HMCES: variants seen among roughly 807,000 people sequenced by gnomAD.
The protein encoded by HMCES is 5-hydroxymethylcytosine binding, ES cell specific.
In HMCES, 27 loss-of-function variants were observed where a neutral mutation model predicts 35.1. The observed-to-expected ratio is 0.77, with a 90% CI of 0.57 to 1.06. The LOEUF is 1.06. Ranked by LOEUF, HMCES falls within the 50% of genes least tolerant of loss-of-function variation. HMCES has a pLI of 0.00. For missense variants in HMCES, 391 were observed against 430.4 expected (o/e 0.91, Z 0.81); for synonymous variants, 130 against 154.7 (o/e 0.84, Z 1.18).
rs1426797869 is a variant in HMCES, at chr3:129,304,876, T to C, written c.*51T>C. ...AGGGTCTGCTGCACTGCTGTTCTGA[T>C]AATAGGTTCTTAACATTGTATGTAT... On this transcript the variant is annotated 3_prime_UTR_variant, in exon 7 of 7. Coordinates refer to ENST00000383463, the MANE Select transcript of HMCES (RefSeq NM_020187.3). 2 of 1,384,202 alleles carry C rather than the reference T, an allele frequency of 1.4e-6. No homozygotes were observed. The highest frequency in any genetic ancestry group is 1.7e-5 in the Admixed American group (1 of 58,456). The allele number at this position is 1,384,202 out of a possible 1,614,324, so 85.7% of individuals were successfully genotyped here.
chr3:129,284,288 AT>A, intron 2 of HMCES, among the ~76,000 whole-genome samples: 1 of 152,222 alleles, frequency 6.6e-6, no homozygotes, highest in Non-Finnish European at 1.5e-5. Context: ...GCTGGCTGGT[AT>A]TCCCAAGCTA....
Position 129,280,638 on chromosome 3 carries a change from G to A in HMCES, c.183+723G>A, listed in dbSNP as rs117127610. The stretch of plus-strand genomic sequence containing the variant: ...TCTGATGTTTCTTGAGCATTGAAAA[G>A]TTTTATTCTTTCTGCTTGTGTTTTC... On this transcript the variant is annotated intron_variant, in intron 2 of 6. Coordinates refer to ENST00000383463, the MANE Select transcript of HMCES (RefSeq NM_020187.3). Among the ~76,000 whole-genome samples, 7 of 152,280 alleles carry A rather than the reference G, an allele frequency of 4.6e-5. No individual in the cohort carries two copies. The East Asian group carries it at 1.4e-3, about 29-fold the overall frequency.
At chr3:129,293,502 C>T (rs928697158) in intron 4 of HMCES, among the ~76,000 whole-genome samples, 1 of 150,516 alleles carries the variant, frequency 6.6e-6, no homozygotes, top group African/African-American at 2.4e-5. Flanking sequence ...TAAGCACTTA[C>T]TACTAGTCAG....
intron 2 of HMCES, among the ~76,000 whole-genome samples, chr3:129,282,932 A>G (rs974194463): frequency 1.3e-5 from 2 of 152,242 alleles, no homozygotes; most frequent in Non-Finnish European, 2.9e-5. Context: ...TTTGGTTTAC[A>G]GTTGTCAAGG....
rs1266269054 is a variant in HMCES, at chr3:129,279,756, C to T, written c.24C>T (p.His8=). The change falls in exon 2 of 7, where the codon CAC becomes CAT. Residue 8 remains histidine, a synonymous_variant. Transcript: ENST00000383463. This position sits in a 1 kb window ranked among gnomAD's most constrained non-coding sequence, Gnocchi z 4.2. ...GAATGTGTGGGCGAACATCCTGTCACTTACCTAGAGATGTTCTCACGAGAG... is the reference window on the plus strand; with the variant it reads ...GAATGTGTGGGCGAACATCCTGTCATTTACCTAGAGATGTTCTCACGAGAG... MCGRTSC[H]LPRDVLTRAC... The T allele has an allele frequency of 3.7e-6, 6 of 1,612,882 alleles. No homozygotes were observed. Among genetic ancestry groups the T allele is most frequent in the Non-Finnish European group, 5.1e-6 (6 of 1,179,680 alleles).
In HMCES at chr3:129,298,578, G is replaced by A. The variant is rs760521562; in HGVS notation, c.635+43G>A. On this transcript the variant is annotated intron_variant, in intron 5 of 6. Coordinates refer to ENST00000383463, the MANE Select transcript of HMCES (RefSeq NM_020187.3). ...GCCCTGGATCCAAAAGGATCCAAAA[G>A]ATGATTTGTCCTCTGCTTTTAGGTA... The A allele has an allele frequency of 4.5e-6, 7 of 1,558,484 alleles. No individual in the cohort carries two copies. The South Asian group carries it at 6.8e-5, about 15-fold the overall frequency.
intron 4 of HMCES, 113 bp from the exon 5 acceptor site, chr3:129,298,241 G>A: frequency 1.0e-6 from 1 of 953,750 alleles, no homozygotes; most frequent in Admixed American, 2.2e-5. Context: ...TAAGACGTGG[G>A]CTGAATTACT....
At chr3:129,286,521 G>C (rs889121045) in intron 2 of HMCES, among the ~76,000 whole-genome samples, 1 of 152,178 alleles carries the variant, frequency 6.6e-6, no homozygotes, top group Non-Finnish European at 1.5e-5. Flanking sequence ...AGGAGTGTCA[G>C]ATTTTGCAAC....
chr3:129,282,967 G>C (rs1179595518), intron 2 of HMCES, among the ~76,000 whole-genome samples: 1 of 152,186 alleles, frequency 6.6e-6, no homozygotes, highest in African/African-American at 2.4e-5. Context: ...CTGATCAGTG[G>C]AATTTGTGAG....
chr3:129,301,816 T>A (rs955196809), intron 5 of HMCES, 134 bp from the exon 6 acceptor site: 2 of 710,936 alleles, frequency 2.8e-6, no homozygotes, highest in Non-Finnish European at 4.8e-6. Context: ...ATGGCAGCAA[T>A]CAGCATGTGA....
At chr3:129,300,979 C>T (rs1366242268) in intron 5 of HMCES, among the ~76,000 whole-genome samples, 4 of 144,462 alleles carry the variant, frequency 2.8e-5, no homozygotes, top group Non-Finnish European at 6.0e-5. Context: ...TGCAATGAGC[C>T]GAGATCATGC....
In HMCES at chr3:129,279,580, G is replaced by C. The variant is rs1940403445; in HGVS notation, c.-23-130G>C. ...ATCCTTGTCTTTGTGGGACTTTTTG[G>C]GGAAGACTTTAGACGGTGGTCACGG... On this transcript the variant is annotated intron_variant, in intron 1 of 6. Transcript: ENST00000383463. This position sits in a 1 kb window ranked among gnomAD's most constrained non-coding sequence, Gnocchi z 4.2. The C allele has an allele frequency of 1.1e-6, 1 of 881,342 alleles. No individual in the cohort carries two copies. Among genetic ancestry groups the C allele is most frequent in the Non-Finnish European group, 1.7e-6 (1 of 581,024 alleles). 54.6% of individuals were successfully genotyped at this position (881,342 alleles called of 1,614,324 possible).
rs1560080146 is a variant in HMCES, at chr3:129,305,828, A to C, written c.*1003A>C. On this transcript the variant is annotated 3_prime_UTR_variant, in exon 7 of 7. Coordinates refer to ENST00000383463, the MANE Select transcript of HMCES (RefSeq NM_020187.3). ...TCGGAATTTCCACCAATCAGCGGGA[A>C]GCCTCGGCCCTGTAACTGCTAATGG... The C allele has an allele frequency of 6.6e-6, 1 of 152,278 alleles. No individual in the cohort carries two copies. Among genetic ancestry groups the C allele is most frequent in the Non-Finnish European group, 1.5e-5 (1 of 68,078 alleles). 9.4% of individuals were successfully genotyped at this position (152,278 alleles called of 1,614,324 possible). A position where few individuals can be genotyped will look rare whatever the true frequency, so the allele number is the denominator to read the frequency against.
chr3:129,299,198 G>A (rs767511845), intron 5 of HMCES, among the ~76,000 whole-genome samples: 10 of 152,078 alleles, frequency 6.6e-5, no homozygotes, highest in Non-Finnish European at 1.0e-4. Context: ...ACTTTACCTC[G>A]ACAAGACCTG....
At chr3:129,287,155 G>A (rs1405051879) in intron 2 of HMCES, among the ~76,000 whole-genome samples, 1 of 152,040 alleles carries the variant, frequency 6.6e-6, no homozygotes, top group Admixed American at 6.6e-5. Flanking sequence ...ACTTTCTCCA[G>A]CAACGAAAAA....
rs1286055568 is a variant in HMCES, at chr3:129,305,511, C to T, written c.*686C>T. 6.6e-6 allele frequency: 1 copy of T among 152,128 alleles called. No homozygotes were observed. The highest frequency in any genetic ancestry group is 1.5e-5 in the Non-Finnish European group (1 of 68,034). The allele number at this position is 152,128 out of a possible 1,614,324, so 9.4% of individuals were successfully genotyped here. A position where few individuals can be genotyped will look rare whatever the true frequency, so the allele number is the denominator to read the frequency against. Reference sequence around the variant, plus strand: ...TCGTCTGAATCCTTTAGCTTCAAACCAGCCTGAGTTTGAGTGCTTGCCGTA... The same window carrying T: ...TCGTCTGAATCCTTTAGCTTCAAACTAGCCTGAGTTTGAGTGCTTGCCGTA... On this transcript the variant is annotated 3_prime_UTR_variant, in exon 7 of 7. Transcript: ENST00000383463.
chr3:129,303,570 C>T (rs550332431), intron 6 of HMCES, among the ~76,000 whole-genome samples: 21 of 152,182 alleles, frequency 1.4e-4, no homozygotes, highest in African/African-American at 4.8e-4. Context: ...ACTTCCTAGC[C>T]GAATATCCTA....
At position 129,304,674 on chromosome 3, in the gene HMCES, A is replaced by C; in HGVS notation, c.914A>C (p.Gln305Pro). The C allele has an allele frequency of 6.2e-7, 1 of 1,614,224 alleles. No individual in the cohort carries two copies. Among genetic ancestry groups the C allele is most frequent in the Non-Finnish European group, 8.5e-7 (1 of 1,180,052 alleles). Reference sequence around the variant, plus strand: ...AAAAAGGAAGACTCAAAAACACCTCAAAAGGAAGAGTCAGATGTTCCCCAG... The same window carrying C: ...AAAAAGGAAGACTCAAAAACACCTCCAAAGGAAGAGTCAGATGTTCCCCAG... ...SPKKEDSKTP[Q>P]KEESDVPQWS... The change falls in exon 7 of 7, where the codon CAA (glutamine) becomes CCA (proline). Residue 305 changes from glutamine (Q) to proline (P), a missense_variant. By Grantham distance (76) the Gln-to-Pro change is moderately conservative. Coordinates refer to ENST00000383463, the MANE Select transcript of HMCES (RefSeq NM_020187.3).
chr3:129,304,165 T>TAGTGA (rs1351382845), intron 6 of HMCES, among the ~76,000 whole-genome samples: 1 of 152,152 alleles, frequency 6.6e-6, no homozygotes, highest in Non-Finnish European at 1.5e-5. Context: ...GTAGTGACAG[T>TAGTGA]CAAGAAGAGG....
Sources: allele counts gnomAD v4.1 joint callset (sites outside exome capture counted in the v4.1 genomes callset), GRCh38; gene constraint gnomAD v4.1.1; non-coding constraint Gnocchi (gnomAD v3.1); transcripts MANE v1.5; gene names NCBI Gene and HGNC (gene_info 2026-07-23, HGNC 2026-07-21).